Variants in PDE4C observed in about 807,000 individuals in gnomAD.
PDE4C encodes 3',5'-cyclic-AMP phosphodiesterase 4C.
A neutral mutation model predicts 63.9 loss-of-function variants in PDE4C; 50 were observed. That is an observed-to-expected ratio of 0.78 (90% confidence interval 0.62 to 0.99). The LOEUF (loss-of-function observed/expected upper bound fraction) is 0.99, where lower values mean the gene tolerates loss of function less well. Among genes scored for constraint, PDE4C ranks in the 50% least tolerant of loss-of-function variants. The probability of loss-of-function intolerance (pLI) is 0.00; values close to 1 mark genes in which losing one functional copy is unlikely to be tolerated. For synonymous variants in PDE4C, 377 were observed against 385.1 expected (o/e 0.98, Z 0.25); for missense variants, 777 against 899.1 (o/e 0.86, Z 1.74).
At chr19:18,210,755 C>T in exon 15 of PDE4C, 1 of 1,141,450 alleles carries the variant, frequency 8.8e-7, no homozygotes, top group Non-Finnish European at 1.2e-6. Flanking sequence ...GGACCCCAGC[C>T]AGGTGCCTCC....
At chr19:18,216,953 A>G (rs1968226576) in intron 11 of PDE4C, 58 bp from the exon 12 acceptor site, 1 of 1,527,194 alleles carries the variant, frequency 6.5e-7, no homozygotes, top group African/African-American at 1.4e-5. Context: ...ACTCTACCCA[A>G]AAGCAGCTTT....
intron 12 of PDE4C, among the ~76,000 whole-genome samples, chr19:18,216,121 A>C (rs56324036): frequency 6.6e-6 from 1 of 151,292 alleles, no homozygotes; most frequent in Non-Finnish European, 1.5e-5. Flanking sequence ...GTGAGCCACC[A>C]CGCCTGGCCC....
In PDE4C at chr19:18,220,315, T is replaced by C; in HGVS notation, c.617A>G (p.Lys206Arg). The C allele has an allele frequency of 6.2e-7, 1 of 1,614,050 alleles. No homozygotes were observed. The highest frequency in any genetic ancestry group is 8.5e-7 in the Non-Finnish European group (1 of 1,179,958). The change falls in exon 7 of 15, where the codon AAG becomes AGG. Residue 206 changes from lysine to arginine, a missense_variant. Lys to Arg is a conservative substitution (Grantham distance 26, BLOSUM62 2). This residue lies in a region of PDE4C where 28 missense variants were observed against 53.5 expected (regional missense o/e 0.52). Transcript: ENST00000262805. The surrounding 1 kb of genome is among the most constrained non-coding windows in gnomAD (Gnocchi z 5.1). ...GGTCAACTCCCGGTTCAGGATCCGCTTGAACTGGGGCGGAGAGAAGGTGAA... is the reference window on the plus strand; with the variant it reads ...GGTCAACTCCCGGTTCAGGATCCGCCTGAACTGGGGCGGAGAGAAGGTGAA...
chr19:18,222,162 A>G (rs1214304068), exon 2 of PDE4C: 9 of 1,613,630 alleles, frequency 5.6e-6, no homozygotes, highest in Non-Finnish European at 7.6e-6. Context: ...GTTCCGAGAC[A>G]TGGCCTTGGG....
chr19:18,248,038 G>A, intron 1 of PDE4C: 1 of 377,238 alleles, frequency 2.7e-6, no homozygotes, highest in South Asian at 1.9e-5. Flanking sequence ...CCAGACACAT[G>A]GGAGACCCAT....
chr19:18,249,577 ATT>A (rs71164388), upstream of PDE4C, among the ~76,000 whole-genome samples: 3 of 139,806 alleles, frequency 2.1e-5, no homozygotes, highest in Non-Finnish European at 3.1e-5. Flanking sequence ...GCCTGGCCCT[ATT>A]TTTTTTTTTT....
In PDE4C at chr19:18,232,317, C is replaced by A. The variant is rs181576240; in HGVS notation, c.242+633G>T. 5.9e-5 allele frequency among the ~76,000 whole-genome samples: 9 copies of A among 151,730 alleles called. No individual in the cohort carries two copies. The East Asian group carries it at 1.7e-3, about 29-fold the overall frequency. ...GGCAGAGGATGCAGTGAGCCATGAT[C>A]GAGACACTGCACTTGTACCTGGGCA... On this transcript the variant is annotated intron_variant, in intron 1 of 14. Transcript: ENST00000594465.
At chr19:18,230,474 G>A (rs941548402), upstream of PDE4C, among the ~76,000 whole-genome samples, 11 of 152,142 alleles carry the variant, frequency 7.2e-5, no homozygotes, top group African/African-American at 2.7e-4. Flanking sequence ...ACTGCACCCG[G>A]CCTGGGCAAC....
the PDE4C span, among the ~76,000 whole-genome samples, chr19:18,253,328 C>A: frequency 1.3e-5 from 2 of 152,024 alleles, no homozygotes; most frequent in African/African-American, 4.8e-5. Context: ...GGCTGTAGTG[C>A]GCCATGATTG....
chr19:18,212,989 A>G (rs1218298206), intron 13 of PDE4C, among the ~76,000 whole-genome samples: 1 of 143,218 alleles, frequency 7.0e-6, no homozygotes, highest in Non-Finnish European at 1.5e-5. Flanking sequence ...CCCGGCTGCT[A>G]AAGTTGTTTT....
exon 11 of PDE4C, chr19:18,218,201 G>A: frequency 6.2e-7 from 1 of 1,614,252 alleles, no homozygotes; most frequent in Non-Finnish European, 8.5e-7. Context: ...CGTCGTGGAT[G>A]GCGCTTGCAA....
chr19:18,238,990 CA>C (rs113472618), intron 1 of PDE4C, among the ~76,000 whole-genome samples: 1,933 of 96,786 alleles, frequency 0.02, 26 homozygotes, highest in African/African-American at 0.051. Context: ...GACCCTGTCT[CA>C]AAAAAAAAAA....
exon 15 of PDE4C, chr19:18,211,010 C>G (rs1967903726): frequency 1.2e-6 from 2 of 1,614,210 alleles, no homozygotes; most frequent in Admixed American, 1.7e-5. Flanking sequence ...CAGGCAACTC[C>G]AAGGCCTCTT....
chr19:18,241,468 C>T (rs1416226820), intron 1 of PDE4C, among the ~76,000 whole-genome samples: 1 of 151,788 alleles, frequency 6.6e-6, no homozygotes, highest in Admixed American at 6.6e-5. Context: ...GGGGTCTCAC[C>T]GTGTTAGCTG....
At chr19:18,241,512 C>G (rs533367724) in intron 1 of PDE4C, among the ~76,000 whole-genome samples, 1 of 151,986 alleles carries the variant, frequency 6.6e-6, no homozygotes, top group East Asian at 1.9e-4. Context: ...CATGATCTGC[C>G]CGCCTCGGCC....
chr19:18,216,993 C>T lies in PDE4C; in HGVS notation c.1235-98G>A, dbSNP rs549136044. ...AATCCTTAGCAAACTCCTACCCATG[C>T]GTTGAAGGCCCAACTCTAGCATGCC... On this transcript the variant is annotated intron_variant, in intron 11 of 14. Transcript: ENST00000262805. 16 of 1,348,574 alleles carry T rather than the reference C, an allele frequency of 1.2e-5. 2 individuals are homozygous for T. The South Asian group carries it at 1.6e-4, about 13-fold the overall frequency. 83.5% of individuals were successfully genotyped at this position (1,348,574 alleles called of 1,614,324 possible).
intron 10 of PDE4C, 30 bp from the exon 11 acceptor site, chr19:18,218,278 G>C (rs779602897): frequency 1.2e-6 from 2 of 1,613,486 alleles, no homozygotes; most frequent in East Asian, 2.2e-5. Flanking sequence ...AGGCGGTGAG[G>C]GGCGGGTTCT....
chr19:18,232,946 C>T (rs1168039363), intron 1 of PDE4C: 26 of 1,448,532 alleles, frequency 1.8e-5, no homozygotes, highest in Non-Finnish European at 2.2e-5. Context: ...CCCCGGCCAC[C>T]TACCGCCTGC....
chr19:18,224,383 C>A (rs891034770), intron 1 of PDE4C: 19 of 985,438 alleles, frequency 1.9e-5, no homozygotes, highest in Non-Finnish European at 2.2e-5. Context: ...GTATCCCCGT[C>A]CACGAGCTGG....
Sources: allele counts gnomAD v4.1 joint callset (sites outside exome capture counted in the v4.1 genomes callset), GRCh38; gene constraint gnomAD v4.1.1; regional missense constraint gnomAD v4.1.1; non-coding constraint Gnocchi (gnomAD v3.1); transcripts MANE v1.5; gene names NCBI Gene and HGNC (gene_info 2026-07-23, HGNC 2026-07-21).